The following RPRD2 variants were observed in gnomAD, a reference collection of about 807,000 sequenced individuals.
RPRD2 encodes regulation of nuclear pre-mRNA domain containing 2.
RPRD2 carries 12 observed loss-of-function variants against 104.4 expected under a neutral mutation model. The observed-to-expected ratio is 0.11, with a 90% CI of 0.07 to 0.19. RPRD2 has a LOEUF of 0.19. Ranked by LOEUF, RPRD2 falls within the 10% of genes least tolerant of loss-of-function variation. RPRD2 has a pLI of 1.00. For missense variants in RPRD2, 1,543 were observed against 1,790.1 expected (o/e 0.86, Z 2.49); for synonymous variants, 714 against 684.9 (o/e 1.04, Z -0.66).
At chr1:150,461,317 A>AGTATATGT (rs1667918527) in intron 9 of RPRD2, among the ~76,000 whole-genome samples, 1 of 152,140 alleles carries the variant, frequency 6.6e-6, no homozygotes, top group African/African-American at 2.4e-5. Context: ...TACCCTTAAA[A>AGTATATGT]GTATATGTGT....
At chr1:150,385,786 T>A (rs1041008883) in intron 1 of RPRD2, among the ~76,000 whole-genome samples, 44 of 152,344 alleles carry the variant, frequency 2.9e-4, no homozygotes, top group Non-Finnish European at 5.4e-4. Flanking sequence ...TGCTGAACTT[T>A]TAATTTTTCT....
intron 1 of RPRD2, among the ~76,000 whole-genome samples, chr1:150,416,359 G>T (rs1553888549): frequency 6.6e-6 from 1 of 152,096 alleles, no homozygotes; most frequent in African/African-American, 2.4e-5. Flanking sequence ...AAGTATAATA[G>T]GAGTGGGAGG....
intron 1 of RPRD2, among the ~76,000 whole-genome samples, chr1:150,380,666 A>T (rs374365026): frequency 8.9e-4 from 131 of 147,636 alleles, no homozygotes; most frequent in African/African-American, 3.1e-3. Context: ...TTTTATTTTT[A>T]TTTTTTTGGG....
intron 1 of RPRD2, among the ~76,000 whole-genome samples, chr1:150,401,720 T>G (rs1312420970): frequency 6.6e-6 from 1 of 150,454 alleles, no homozygotes; most frequent in East Asian, 2.0e-4. Context: ...CTCGGCTCAC[T>G]GCAAACGCCG....
chr1:150,471,835 C>G lies in RPRD2; in HGVS notation c.2887C>G (p.Pro963Ala). 1 of 1,613,894 alleles carries G rather than the reference C, an allele frequency of 6.2e-7. No individual in the cohort carries two copies. The highest frequency in any genetic ancestry group is 8.5e-7 in the Non-Finnish European group (1 of 1,179,876). Residue 963 changes from proline (P) to alanine (A), a missense_variant, in exon 11 of 11, where the codon CCA becomes GCA. Around this residue, in one of 4 missense-constraint regions of RPRD2, gnomAD observed 880 missense variants for 885.6 expected, o/e 0.99. Coordinates refer to ENST00000369068, the MANE Select transcript of RPRD2 (RefSeq NM_015203.5). This position sits in a 1 kb window ranked among gnomAD's most constrained non-coding sequence, Gnocchi z 5.3. ...GHLSLPQKQY[P>A]DSPHPVPHRS... ...TCTCAGTTTGCCACAGAAGCAGTAC[C>G]CAGACTCTCCTCACCCAGTCCCACA...
At chr1:150,421,384 T>A (rs1553889589) in intron 2 of RPRD2, among the ~76,000 whole-genome samples, 1 of 152,158 alleles carries the variant, frequency 6.6e-6, no homozygotes, top group Non-Finnish European at 1.5e-5. Flanking sequence ...TAAATGAAGA[T>A]ATATAGGGTT....
intron 2 of RPRD2, among the ~76,000 whole-genome samples, chr1:150,433,038 A>ATG (rs1665713609): frequency 6.6e-6 from 1 of 152,066 alleles, no homozygotes; most frequent in Non-Finnish European, 1.5e-5. Flanking sequence ...GAAATGATAT[A>ATG]TGTTTGAGGT....
chr1:150,451,469 T>A (rs56877951), intron 7 of RPRD2, among the ~76,000 whole-genome samples: 5,086 of 150,184 alleles, frequency 0.034, 290 homozygotes, highest in African/African-American at 0.12. Context: ...GGGCAGGAGA[T>A]CGAGACCATC....
At chr1:150,441,116 A>G in intron 3 of RPRD2, 93 bp downstream of exon 3, 1 of 611,458 alleles carries the variant, frequency 1.6e-6, no homozygotes, top group Non-Finnish European at 2.8e-6. Flanking sequence ...ATAATAGTGA[A>G]AAATTAAGTT....
chr1:150,401,656 T>G (rs897598093), intron 1 of RPRD2, among the ~76,000 whole-genome samples: 9 of 151,326 alleles, frequency 5.9e-5, no homozygotes, highest in Non-Finnish European at 1.0e-4. Flanking sequence ...GTTTTGTTTT[T>G]TTTTTGAGAC....
At chr1:150,433,392 A>G (rs1665737103) in intron 2 of RPRD2, among the ~76,000 whole-genome samples, 1 of 145,298 alleles carries the variant, frequency 6.9e-6, no homozygotes, top group Non-Finnish European at 1.5e-5. Flanking sequence ...TATATATAAT[A>G]TATAATATAT....
At chr1:150,442,949 G>A (rs1248367990) in intron 4 of RPRD2, among the ~76,000 whole-genome samples, 1 of 152,060 alleles carries the variant, frequency 6.6e-6, no homozygotes, top group African/African-American at 2.4e-5. Context: ...AAAGGTACTT[G>A]ATGTATCTCG....
chr1:150,387,393 G>C (rs1377784892), intron 1 of RPRD2, among the ~76,000 whole-genome samples: 1 of 151,978 alleles, frequency 6.6e-6, no homozygotes, highest in Non-Finnish European at 1.5e-5. Context: ...GAGAGGATCA[G>C]AACAAAATGG....
intron 1 of RPRD2, among the ~76,000 whole-genome samples, chr1:150,407,394 TA>T (rs1456894158): frequency 1.3e-5 from 2 of 152,184 alleles, no homozygotes; most frequent in Non-Finnish European, 2.9e-5. Flanking sequence ...TTTCAGTTCT[TA>T]AAAAAGAAAT....
chr1:150,445,816 C>A (rs1666723478), intron 6 of RPRD2, among the ~76,000 whole-genome samples: 1 of 152,088 alleles, frequency 6.6e-6, no homozygotes, highest in African/African-American at 2.4e-5. Context: ...CAACTGTAAT[C>A]CCAGCACTTT....
rs587604622 is a variant in RPRD2 at position 150,364,631 on chromosome 1, C to T, written c.-84C>T. 12 of 697,030 alleles carry T rather than the reference C, an allele frequency of 1.7e-5. No homozygotes were observed. The African/African-American group carries it at 1.8e-4, about 11-fold the overall frequency. 43.2% of individuals were successfully genotyped at this position (697,030 alleles called of 1,614,324 possible). A position where few individuals can be genotyped will look rare whatever the true frequency, so the allele number is the denominator to read the frequency against. ...CCTCCCCACCTACGGCTTTCACGCA[C>T]TCGCAGTGATTGTTTTGCCCGCTCC... On this transcript the variant is annotated 5_prime_UTR_variant, in exon 1 of 11. Coordinates refer to ENST00000369068, the MANE Select transcript of RPRD2 (RefSeq NM_015203.5).
Position 150,471,104 on chromosome 1 carries a change from A to G in RPRD2, c.2156A>G (p.Asn719Ser). Residue 719 changes from asparagine (N) to serine (S), a missense_variant, in exon 11 of 11, where the codon AAC becomes AGC. Physicochemically the swap from Asn to Ser is conservative, Grantham distance 46. Coordinates refer to ENST00000369068, the MANE Select transcript of RPRD2 (RefSeq NM_015203.5). The surrounding 1 kb of genome is among the most constrained non-coding windows in gnomAD (Gnocchi z 5.3). Reference sequence around the variant, plus strand: ...GGCCCTACTAGCACCTCAATCGACAACATTGATGGAACCCCTGTACGGGAT... The same window carrying G: ...GGCCCTACTAGCACCTCAATCGACAGCATTGATGGAACCCCTGTACGGGAT... ...QRGPTSTSID[N>S]IDGTPVRDER... The G allele has an allele frequency of 6.2e-7, 1 of 1,613,892 alleles. No individual in the cohort carries two copies. The highest frequency in any genetic ancestry group is 1.1e-5 in the South Asian group (1 of 91,078).
chr1:150,372,998 A>C (rs1660429561), intron 1 of RPRD2, among the ~76,000 whole-genome samples: 2 of 151,906 alleles, frequency 1.3e-5, no homozygotes, highest in Admixed American at 6.6e-5. Context: ...ATTTAAGCAA[A>C]AGGAGATGAA....
chr1:150,459,705 GTC>G lies in RPRD2; in HGVS notation c.1154-352_1154-351del, dbSNP rs1667791187. Among the ~76,000 whole-genome samples the G allele has an allele frequency of 2.0e-5, 3 of 151,194 alleles. No individual in the cohort carries two copies. The Admixed American group carries it at 2.0e-4, about 10-fold the overall frequency. On this transcript the variant is annotated intron_variant, in intron 8 of 10. Transcript: ENST00000369068. ...CCTCCTGGGTTCAAGCGATTCTCGT[GTC>G]TCAGCCTCTGTAGTAGCTGGGATTA... is the stretch of plus-strand genomic sequence containing the variant.
Sources: gnomAD v4.1 joint callset for allele counts (sites outside exome capture counted in the v4.1 genomes callset) on GRCh38, gnomAD v4.1.1 for gene constraint, gnomAD v4.1.1 regional missense constraint, Gnocchi (gnomAD v3.1) non-coding constraint, MANE v1.5 for transcripts, NCBI Gene and HGNC (gene_info 2026-07-23, HGNC 2026-07-21) for gene names.